Variants in SHISA9 observed in about 807,000 individuals in gnomAD.
SHISA9 encodes shisa family member 9.
Under a neutral mutation model 38.0 loss-of-function variants are expected in SHISA9, and 13 were observed. The observed-to-expected ratio is 0.34, with a 90% CI of 0.22 to 0.54. The LOEUF (loss-of-function observed/expected upper bound fraction) is 0.54. SHISA9 is among the 20% of genes least tolerant of loss of function. The pLI, the probability that SHISA9 is intolerant of heterozygous loss-of-function variation, is 0.91. For synonymous variants in SHISA9, 275 were observed against 242.0 expected (o/e 1.14, Z -1.27); for missense variants, 538 against 575.8 (o/e 0.93, Z 0.67).
At chr16:12,924,559 C>T (rs2071370317) in intron 2 of SHISA9, among the ~76,000 whole-genome samples, 1 of 152,092 alleles carries the variant, frequency 6.6e-6, no homozygotes, top group Non-Finnish European at 1.5e-5. Context: ...ATCTGAAGAT[C>T]TATGATTCTA....
intron 2 of SHISA9, among the ~76,000 whole-genome samples, chr16:12,971,339 G>A (rs1171543159): frequency 1.3e-5 from 2 of 152,146 alleles, no homozygotes; most frequent in African/African-American, 2.4e-5. Flanking sequence ...AGATCACCTC[G>A]GAGCACAGAT....
chr16:13,205,576 C>G (rs1187659287), intron 3 of SHISA9, among the ~76,000 whole-genome samples: 2 of 152,150 alleles, frequency 1.3e-5, no homozygotes, highest in Non-Finnish European at 2.9e-5. Flanking sequence ...GTCTTCTAAT[C>G]TGTAAAATGG....
chr16:13,262,164 C>A, the SHISA9 span, among the ~76,000 whole-genome samples: 257 of 152,322 alleles, frequency 1.7e-3, 3 homozygotes, highest in East Asian at 0.027. Flanking sequence ...GGCAAAACAA[C>A]AGGTTGTCAA....
At chr16:13,118,519 A>C (rs1330524077) in intron 2 of SHISA9, among the ~76,000 whole-genome samples, 1 of 152,156 alleles carries the variant, frequency 6.6e-6, no homozygotes, top group Non-Finnish European at 1.5e-5. Flanking sequence ...AGTGCTTCCC[A>C]AAAGGTGAGG....
intron 2 of SHISA9, among the ~76,000 whole-genome samples, chr16:13,187,103 C>A (rs9927503): frequency 0.14 from 21,671 of 152,124 alleles, 1,818 homozygotes; most frequent in African/African-American, 0.21. Flanking sequence ...CATGCAGCAG[C>A]ACTGACTTCC....
At chr16:13,162,542 T>C (rs763905744) in intron 2 of SHISA9, among the ~76,000 whole-genome samples, 3 of 152,152 alleles carry the variant, frequency 2.0e-5, no homozygotes, top group Non-Finnish European at 4.4e-5. Context: ...CAAATTCCAT[T>C]AAAACAGATT....
At chr16:13,187,173 G>A (rs1214619750) in intron 2 of SHISA9, among the ~76,000 whole-genome samples, 1 of 152,098 alleles carries the variant, frequency 6.6e-6, no homozygotes, top group Non-Finnish European at 1.5e-5. Flanking sequence ...TTTGCCTATG[G>A]CCTGACAACT....
the SHISA9 span, among the ~76,000 whole-genome samples, chr16:13,400,395 A>T: frequency 6.6e-6 from 1 of 152,062 alleles, no homozygotes; most frequent in African/African-American, 2.4e-5. Context: ...TATTTCCTAG[A>T]ACTACTTAGC....
chr16:13,053,447 C>T (rs1023592526), intron 2 of SHISA9, among the ~76,000 whole-genome samples: 6 of 152,206 alleles, frequency 3.9e-5, no homozygotes, highest in South Asian at 4.1e-4. Context: ...ACCATGTTAA[C>T]CCCTTACAGT....
intron 2 of SHISA9, among the ~76,000 whole-genome samples, chr16:13,186,343 G>A (rs771676646): frequency 2.9e-5 from 4 of 137,168 alleles, no homozygotes; most frequent in Non-Finnish European, 4.5e-5. Flanking sequence ...TGTCACCCAG[G>A]CTGGAGTGCA....
At chr16:12,917,158 GGTTA>G (rs1440574285) in intron 2 of SHISA9, among the ~76,000 whole-genome samples, 18 of 152,240 alleles carry the variant, frequency 1.2e-4, no homozygotes, top group Admixed American at 8.5e-4. Flanking sequence ...TGGATTATTG[GGTTA>G]GTTCATTTTA....
At chr16:13,371,578 G>A in the SHISA9 span, among the ~76,000 whole-genome samples, 1 of 152,218 alleles carries the variant, frequency 6.6e-6, no homozygotes, top group African/African-American at 2.4e-5. Flanking sequence ...TCAATGGTAA[G>A]TGAACACACA....
chr16:13,488,862 C>A, the SHISA9 span, among the ~76,000 whole-genome samples: 1 of 152,138 alleles, frequency 6.6e-6, no homozygotes, highest in South Asian at 2.1e-4. Flanking sequence ...CCCGGGCTCA[C>A]GCCATTCTCC....
chr16:13,099,986 G>T (rs1043808143), intron 2 of SHISA9, among the ~76,000 whole-genome samples: 3 of 152,132 alleles, frequency 2.0e-5, no homozygotes, highest in African/African-American at 7.2e-5. Flanking sequence ...TCCAGACACC[G>T]ACAGGAGCCA....
At chr16:13,126,946 T>C (rs1278032293) in intron 2 of SHISA9, among the ~76,000 whole-genome samples, 1 of 87,254 alleles carries the variant, frequency 1.1e-5, no homozygotes, top group Non-Finnish European at 2.3e-5. Context: ...GAGAGAGAGC[T>C]GAGGGAAGGA....
At chr16:13,310,730 C>T in the SHISA9 span, among the ~76,000 whole-genome samples, 1 of 143,690 alleles carries the variant, frequency 7.0e-6, no homozygotes, top group Admixed American at 7.2e-5. Context: ...TGTCACCAGG[C>T]TGGAGTGCAG....
intron 2 of SHISA9, among the ~76,000 whole-genome samples, chr16:13,030,147 C>T (rs2072973469): frequency 6.6e-6 from 1 of 152,120 alleles, no homozygotes; most frequent in South Asian, 2.1e-4. Context: ...TATCTATAGC[C>T]AGGTGTAGCA....
At chr16:13,421,871 C>T in the SHISA9 span, among the ~76,000 whole-genome samples, 1 of 152,168 alleles carries the variant, frequency 6.6e-6, no homozygotes, top group Admixed American at 6.5e-5. Flanking sequence ...TAAATGCTTC[C>T]AGCCACACTA....
chr16:13,255,002 TC>T, the SHISA9 span, among the ~76,000 whole-genome samples: 2 of 152,186 alleles, frequency 1.3e-5, no homozygotes, highest in African/African-American at 4.8e-5. Context: ...TAATTTTTTT[TC>T]CTTCTTTCTA....
Sources: allele counts gnomAD v4.1 joint callset (sites outside exome capture counted in the v4.1 genomes callset), GRCh38; gene constraint gnomAD v4.1.1; transcripts MANE v1.5; gene names NCBI Gene and HGNC (gene_info 2026-07-23, HGNC 2026-07-21).